EFL1: variants seen among roughly 807,000 people sequenced by gnomAD.
EFL1 encodes elongation factor-like GTPase 1.
A neutral mutation model predicts 126.7 loss-of-function variants in EFL1; 76 were observed. The observed-to-expected ratio is 0.60, with a 90% CI of 0.50 to 0.73. EFL1 has a LOEUF of 0.73. Ranked by LOEUF, EFL1 falls within the 30% of genes least tolerant of loss-of-function variation. The pLI is 0.00. For missense variants in EFL1, 1,128 were observed against 1,343.2 expected (o/e 0.84, Z 2.50); for synonymous variants, 410 against 448.4 (o/e 0.91, Z 1.08).
intron 15 of EFL1, among the ~76,000 whole-genome samples, chr15:82,176,900 T>C (rs936971791): frequency 3.3e-5 from 5 of 152,176 alleles, no homozygotes; most frequent in Non-Finnish European, 4.4e-5. Flanking sequence ...AGTGGATAAA[T>C]AAACTGGTAG....
At chr15:82,138,295 T>C (rs2073743684) in intron 19 of EFL1, among the ~76,000 whole-genome samples, 1 of 152,124 alleles carries the variant, frequency 6.6e-6, no homozygotes, top group Non-Finnish European at 1.5e-5. Flanking sequence ...TTCTTAAAAT[T>C]TCACATTCAA....
chr15:82,237,057 C>T (rs1200263842), intron 7 of EFL1, among the ~76,000 whole-genome samples: 5 of 152,132 alleles, frequency 3.3e-5, no homozygotes, highest in South Asian at 2.1e-4. Context: ...GCAGGAGAAT[C>T]GCTTGAACCT....
At chr15:82,172,898 A>G (rs930482250) in intron 15 of EFL1, among the ~76,000 whole-genome samples, 1 of 152,218 alleles carries the variant, frequency 6.6e-6, no homozygotes. Context: ...CTTACATTAA[A>G]GTATTATACT....
intron 19 of EFL1, among the ~76,000 whole-genome samples, chr15:82,137,558 C>T (rs2073735228): frequency 6.6e-6 from 1 of 152,160 alleles, no homozygotes. Context: ...GTGAAGAAAA[C>T]TCAGGGAGGG....
At chr15:82,147,627 G>GAAA (rs375857086) in intron 18 of EFL1, among the ~76,000 whole-genome samples, 3 of 83,944 alleles carry the variant, frequency 3.6e-5, no homozygotes, top group Non-Finnish European at 4.8e-5. Flanking sequence ...GGGCAATAGT[G>GAAA]AAAAAAAAAA....
At chr15:82,167,151 G>A (rs1030717083) in intron 15 of EFL1, among the ~76,000 whole-genome samples, 1 of 152,166 alleles carries the variant, frequency 6.6e-6, no homozygotes, top group Admixed American at 6.5e-5. Context: ...AAATAAAAGA[G>A]AAAGCAGGTT....
chr15:82,236,376 A>T (rs1567074593), intron 7 of EFL1, among the ~76,000 whole-genome samples: 1 of 152,224 alleles, frequency 6.6e-6, no homozygotes, highest in Non-Finnish European at 1.5e-5. Flanking sequence ...TTTGAAAATT[A>T]AAAATAATGT....
At chr15:82,148,798 A>G (rs2073876293) in intron 18 of EFL1, among the ~76,000 whole-genome samples, 1 of 152,218 alleles carries the variant, frequency 6.6e-6, no homozygotes. Context: ...AATAATGACT[A>G]AACTTTTTGA....
At chr15:82,236,151 A>G (rs1466416597) in intron 7 of EFL1, among the ~76,000 whole-genome samples, 3 of 152,196 alleles carry the variant, frequency 2.0e-5, no homozygotes, top group African/African-American at 7.2e-5. Context: ...CAAAATGCTC[A>G]TAAAAGAATT....
At chr15:82,230,351 T>C (rs560775696) in intron 8 of EFL1, among the ~76,000 whole-genome samples, 1 of 152,142 alleles carries the variant, frequency 6.6e-6, no homozygotes, top group Admixed American at 6.5e-5. Flanking sequence ...CCTTTGAGGG[T>C]ATATGACAGC....
At chr15:82,145,997 C>A (rs1373478848) in intron 18 of EFL1, among the ~76,000 whole-genome samples, 1 of 151,142 alleles carries the variant, frequency 6.6e-6, no homozygotes, top group Non-Finnish European at 1.5e-5. Context: ...AAAAAGAATT[C>A]AATGACAAGC....
chr15:82,260,083 A>C (rs1185581122), intron 2 of EFL1, among the ~76,000 whole-genome samples: 1 of 152,212 alleles, frequency 6.6e-6, no homozygotes, highest in Non-Finnish European at 1.5e-5. Flanking sequence ...GGACCAGAAC[A>C]ACGCTTGTCA....
intron 15 of EFL1, among the ~76,000 whole-genome samples, chr15:82,202,850 C>T (rs867948019): frequency 6.8e-6 from 1 of 147,858 alleles, no homozygotes; most frequent in African/African-American, 2.5e-5. Flanking sequence ...CTTGCTCTGT[C>T]GTCCAGGCTG....
chr15:82,198,481 A>G lies in EFL1; in HGVS notation c.1750+16236T>C, dbSNP rs371042142. ...AAACAAAAAACTCCTGCTTATGAGA[A>G]GAGATCTTTGGAAGGATGGAATTCC... On this transcript the variant is annotated intron_variant, in intron 15 of 19. Transcript: ENST00000268206. Among the ~76,000 whole-genome samples the G allele has an allele frequency of 1.3e-4, 20 of 152,332 alleles. No individual in the cohort carries two copies. The East Asian group carries it at 3.5e-3, about 26-fold the overall frequency.
intron 15 of EFL1, among the ~76,000 whole-genome samples, chr15:82,211,192 GCTAGCCTTCT>G (rs1359834902): frequency 4.6e-5 from 7 of 151,886 alleles, no homozygotes; most frequent in Non-Finnish European, 1.0e-4. Flanking sequence ...GTGGCTGCCA[GCTAGCCTTCT>G]CTTGGGCAGT....
At chr15:82,240,299 C>T (rs965263658) in intron 6 of EFL1, 119 bp downstream of exon 6, 39 of 907,166 alleles carry the variant, frequency 4.3e-5, no homozygotes, top group African/African-American at 4.1e-4. Flanking sequence ...AACAGCAACA[C>T]GTATGAATCT....
At chr15:82,241,538 C>T in intron 4 of EFL1, 135 bp from the exon 5 acceptor site, 1 of 1,095,000 alleles carries the variant, frequency 9.1e-7, no homozygotes, top group Non-Finnish European at 1.3e-6. Context: ...AAGCTCAATC[C>T]AGAGCTACCA....
At chr15:82,166,535 A>G (rs1277848936) in intron 15 of EFL1, among the ~76,000 whole-genome samples, 2 of 152,216 alleles carry the variant, frequency 1.3e-5, no homozygotes, top group Admixed American at 6.5e-5. Flanking sequence ...CATTAAGATG[A>G]TCTAGATGAA....
intron 15 of EFL1, among the ~76,000 whole-genome samples, chr15:82,198,381 G>C (rs2074432309): frequency 1.3e-5 from 2 of 152,122 alleles, no homozygotes; most frequent in African/African-American, 4.8e-5. Context: ...AGCCATTCTG[G>C]ACCTCTCCCG....
Sources: allele counts gnomAD v4.1 joint callset (sites outside exome capture counted in the v4.1 genomes callset), GRCh38; gene constraint gnomAD v4.1.1; transcripts MANE v1.5; gene names NCBI Gene and HGNC (gene_info 2026-07-23, HGNC 2026-07-21).